Variants in ST3GAL3 observed in about 807,000 individuals in gnomAD.
ST3GAL3 encodes ST3 beta-galactoside alpha-2,3-sialyltransferase 3, also known as CMP-N-acetylneuraminate-beta-1,4-galactoside alpha-2,3-sialyltransferase.
Under a neutral mutation model 50.1 loss-of-function variants are expected in ST3GAL3, and 21 were observed. The observed-to-expected ratio is 0.42, with a 90% CI of 0.30 to 0.60. ST3GAL3 has a LOEUF of 0.60. ST3GAL3 is among the 20% of genes least tolerant of loss of function. The pLI, the probability that ST3GAL3 is intolerant of heterozygous loss-of-function variation, is 0.19. For synonymous variants in ST3GAL3, 183 were observed against 190.0 expected (o/e 0.96, Z 0.30); for missense variants, 353 against 489.4 (o/e 0.72, Z 2.63).
At chr1:43,923,509 TGCGGGAA>T (rs1233878754) in intron 11 of ST3GAL3, among the ~76,000 whole-genome samples, 1 of 152,074 alleles carries the variant, frequency 6.6e-6, no homozygotes, top group African/African-American at 2.4e-5. Flanking sequence ...AAGATCAAGG[TGCGGGAA>T]GATTCAGTAT....
intron 2 of ST3GAL3, among the ~76,000 whole-genome samples, chr1:43,739,804 A>G (rs1189066192): frequency 1.3e-5 from 2 of 152,124 alleles, no homozygotes; most frequent in East Asian, 3.9e-4. Context: ...TGTCTTGGGT[A>G]GTTTAGAGAC....
Position 43,917,484 on chromosome 1 carries a change from TATATAATATATATAATATATTATATA to T in ST3GAL3, c.745-2906_745-2881del, listed in dbSNP as rs2082056950. On this transcript the variant is annotated intron_variant, in intron 9 of 11. Transcript: ENST00000347631. ...TATATATAATATATAATATATATAA[TATATAATATATATAATATATTATATA>T]ATATAATATATATTATATTATATAA... Among the ~76,000 whole-genome samples, 4 of 72,320 alleles carry T rather than the reference TATATAATATATATAATATATTATATA, an allele frequency of 5.5e-5. No homozygotes were observed. The South Asian group carries it at 1.7e-3, about 31-fold the overall frequency. The allele number at this position is 72,320 out of a possible 152,430, so 47.4% of individuals were successfully genotyped here.
At position 43,707,680 on chromosome 1, in the gene ST3GAL3, C is replaced by G. The variant is rs1162952452; in HGVS notation, c.-44C>G. The G allele has an allele frequency of 1.3e-5, 2 of 151,994 alleles. No homozygotes were observed. The highest frequency in any genetic ancestry group is 2.9e-5 in the Non-Finnish European group (2 of 68,114). 9.4% of individuals were successfully genotyped at this position (151,994 alleles called of 1,614,324 possible). A position where few individuals can be genotyped will look rare whatever the true frequency, so the allele number is the denominator to read the frequency against. On this transcript the variant is annotated 5_prime_UTR_variant, in exon 1 of 12. Coordinates refer to ENST00000347631, the MANE Select transcript of ST3GAL3 (RefSeq NM_006279.5). Reference sequence around the variant, plus strand: ...GCCGGGCGCCACCTCCCCCCTGCCTCCCTCTCCGCTGTGGTAAGGGCCTGC... The same window carrying G: ...GCCGGGCGCCACCTCCCCCCTGCCTGCCTCTCCGCTGTGGTAAGGGCCTGC...
intron 2 of ST3GAL3, among the ~76,000 whole-genome samples, chr1:43,771,659 GT>G (rs1695236072): frequency 6.6e-6 from 1 of 152,038 alleles, no homozygotes; most frequent in Admixed American, 6.6e-5. Context: ...GCCCGGCTGG[GT>G]GACTTCTTTT....
chr1:43,924,320 C>T (rs539833690), intron 11 of ST3GAL3, among the ~76,000 whole-genome samples: 1 of 152,330 alleles, frequency 6.6e-6, no homozygotes, highest in African/African-American at 2.4e-5. Context: ...ACAGCCAGCG[C>T]CCACTTCAGA....
chr1:43,766,971 C>A (rs924353911), intron 2 of ST3GAL3, among the ~76,000 whole-genome samples: 1 of 152,054 alleles, frequency 6.6e-6, no homozygotes, highest in Non-Finnish European at 1.5e-5. Context: ...TGGAAAAGGG[C>A]TGGGAGAGTC....
At chr1:43,917,596 A>ATATAT (rs2082176736) in intron 9 of ST3GAL3, among the ~76,000 whole-genome samples, 1 of 19,598 alleles carries the variant, frequency 5.1e-5, no homozygotes, top group African/African-American at 1.0e-4. Flanking sequence ...TATATATAAT[A>ATATAT]TATATATTAT....
chr1:43,710,343 A>C (rs939943189), intron 1 of ST3GAL3, among the ~76,000 whole-genome samples: 1 of 151,974 alleles, frequency 6.6e-6, no homozygotes, highest in African/African-American at 2.4e-5. Flanking sequence ...TAGCCTCCCA[A>C]AGTGCTGGGA....
intron 5 of ST3GAL3, among the ~76,000 whole-genome samples, chr1:43,872,777 G>A (rs956361297): frequency 6.6e-5 from 10 of 152,168 alleles, no homozygotes; most frequent in Admixed American, 5.9e-4. Flanking sequence ...ATTTTAGATG[G>A]TGGGAAATAC....
intron 9 of ST3GAL3, among the ~76,000 whole-genome samples, chr1:43,904,362 T>A (rs2078786945): frequency 6.6e-6 from 1 of 152,068 alleles, no homozygotes; most frequent in South Asian, 2.1e-4. Flanking sequence ...AGTGCAGGCC[T>A]CCTGCTCCCG....
chr1:43,762,476 T>C (rs959889986), intron 2 of ST3GAL3, among the ~76,000 whole-genome samples: 8 of 152,068 alleles, frequency 5.3e-5, no homozygotes, highest in African/African-American at 1.9e-4. Context: ...ATCTTCCCCT[T>C]TGAGTTCACT....
At chr1:43,770,563 T>C (rs954401622) in intron 2 of ST3GAL3, among the ~76,000 whole-genome samples, 6 of 152,108 alleles carry the variant, frequency 3.9e-5, no homozygotes, top group African/African-American at 1.4e-4. Context: ...CAGTTGTTGT[T>C]TTTTTTCTTT....
intron 5 of ST3GAL3, among the ~76,000 whole-genome samples, chr1:43,867,076 G>A (rs1028250450): frequency 3.3e-5 from 5 of 152,194 alleles, no homozygotes; most frequent in Non-Finnish European, 7.3e-5. Flanking sequence ...GTTGCAATGA[G>A]CCCAGATCAC....
At chr1:43,807,614 C>T (rs1052526566) in intron 3 of ST3GAL3, among the ~76,000 whole-genome samples, 3 of 151,996 alleles carry the variant, frequency 2.0e-5, no homozygotes, top group Non-Finnish European at 2.9e-5. Context: ...CACAGAGCAT[C>T]TATTAGACAG....
intron 5 of ST3GAL3, among the ~76,000 whole-genome samples, chr1:43,871,404 T>C (rs1308173112): frequency 6.6e-6 from 1 of 151,560 alleles, no homozygotes; most frequent in Non-Finnish European, 1.5e-5. Context: ...GGACCTGTGT[T>C]AATGGAGTGT....
chr1:43,760,596 A>G (rs1170747816), intron 2 of ST3GAL3, among the ~76,000 whole-genome samples: 2 of 152,212 alleles, frequency 1.3e-5, no homozygotes, highest in African/African-American at 4.8e-5. Flanking sequence ...TCTACTAAAA[A>G]ATACAAAAAA....
intron 4 of ST3GAL3, among the ~76,000 whole-genome samples, chr1:43,833,936 C>G (rs1158367940): frequency 6.6e-6 from 1 of 152,092 alleles, no homozygotes; most frequent in African/African-American, 2.4e-5. Context: ...ATCCTTTCCC[C>G]CTCCGCCTTC....
intron 5 of ST3GAL3, chr1:43,850,581 C>A: frequency 1.3e-6 from 1 of 742,996 alleles, no homozygotes; most frequent in South Asian, 1.4e-5. Flanking sequence ...ATCATCTGGG[C>A]AGGTGTTCTT....
chr1:43,737,675 G>T lies in ST3GAL3; in HGVS notation c.118+1295G>T, dbSNP rs1317188760. 3 of 152,120 alleles carry T rather than the reference G, an allele frequency of 2.0e-5. No homozygotes were observed. 9.4% of individuals were successfully genotyped at this position (152,120 alleles called of 1,614,324 possible). ...GAAATGCAGAATTCTGTATTTAGAG[G>T]CATTCATTGTCTGTATTGGTAGTGG... is the stretch of plus-strand genomic sequence containing the variant. On this transcript the variant is annotated intron_variant, in intron 2 of 11. Coordinates refer to ENST00000347631, the MANE Select transcript of ST3GAL3 (RefSeq NM_006279.5). This position sits in a 1 kb window ranked among gnomAD's most constrained non-coding sequence, Gnocchi z 4.0.
Sources: allele counts gnomAD v4.1 joint callset (sites outside exome capture counted in the v4.1 genomes callset), GRCh38; gene constraint gnomAD v4.1.1; non-coding constraint Gnocchi (gnomAD v3.1); transcripts MANE v1.5; gene names NCBI Gene and HGNC (gene_info 2026-07-23, HGNC 2026-07-21).